The following AFAP1 variants were observed in gnomAD, a reference collection of about 807,000 sequenced individuals.
The protein encoded by AFAP1 is actin filament associated protein 1.
In AFAP1, 75 loss-of-function variants were observed where a neutral mutation model predicts 93.9. The observed-to-expected ratio is 0.80, with a 90% CI of 0.66 to 0.97. The LOEUF is 0.97. Among genes scored for constraint, AFAP1 ranks in the 50% least tolerant of loss-of-function variants. AFAP1 has a pLI of 0.00. For synonymous variants in AFAP1, 517 were observed against 430.7 expected, an observed-to-expected ratio of 1.20 and a Z score of -2.48; for missense variants, 1,201 against 1,050.8, an observed-to-expected ratio of 1.14 and a Z score of -1.98.
Position 7,939,319 on chromosome 4 carries a change from TG to T in AFAP1, c.-3+336del. The T allele has an allele frequency of 3.2e-6, 1 of 312,580 alleles. No individual in the cohort carries two copies. The highest frequency in any genetic ancestry group is 6.3e-6 in the Non-Finnish European group (1 of 157,556). The allele number at this position is 312,580 out of a possible 1,614,324, so 19.4% of individuals were successfully genotyped here. A position where few individuals can be genotyped will look rare whatever the true frequency, so the allele number is the denominator to read the frequency against. ...GGTGACCCGGACCCCGCCCCACGAG[TG>T]GGTCTTCGCAGGGCCCCCTCTGACG... On this transcript the variant is annotated intron_variant, in intron 1 of 17. Transcript: ENST00000420658. The surrounding 1 kb of genome is among the most constrained non-coding windows in gnomAD (Gnocchi z 5.6).
chr4:7,929,222 AG>A (rs1248981525), intron 1 of AFAP1, among the ~76,000 whole-genome samples: 1 of 152,202 alleles, frequency 6.6e-6, no homozygotes, highest in Non-Finnish European at 1.5e-5. Flanking sequence ...TGAGTTCCTC[AG>A]GAGCAGGCAG....
intron 9 of AFAP1, among the ~76,000 whole-genome samples, chr4:7,804,945 G>A (rs894743244): frequency 6.6e-6 from 1 of 152,302 alleles, no homozygotes. Flanking sequence ...GAAGCCAAAC[G>A]CCTCCTTCCC....
chr4:7,882,243 A>T (rs1717893301), intron 1 of AFAP1, among the ~76,000 whole-genome samples: 1 of 152,192 alleles, frequency 6.6e-6, no homozygotes, highest in Non-Finnish European at 1.5e-5. Flanking sequence ...CGTAAGAAAA[A>T]AATAATTTAC....
intron 12 of AFAP1, among the ~76,000 whole-genome samples, chr4:7,784,583 C>T (rs1263387338): frequency 6.6e-6 from 1 of 152,152 alleles, no homozygotes; most frequent in Non-Finnish European, 1.5e-5. Flanking sequence ...TCTTTAGAAT[C>T]AGGTGGGGGC....
At position 7,883,264 on chromosome 4, in the gene AFAP1, T is replaced by C. The variant is rs1400138344; in HGVS notation, c.-2-11184A>G. Among the ~76,000 whole-genome samples the C allele has an allele frequency of 2.0e-5, 3 of 151,306 alleles. No homozygotes were observed. In the East Asian group the frequency reaches 5.8e-4, roughly 29 times the overall value. On this transcript the variant is annotated intron_variant, in intron 1 of 17. Coordinates refer to ENST00000420658, the MANE Select transcript of AFAP1 (RefSeq NM_001134647.2). ...TACTGATATATTCACCATATTATTA[T>C]CTAATGAGAAGATAATGCAATTGTT...
chr4:7,879,894 G>A (rs1447445344), intron 1 of AFAP1, among the ~76,000 whole-genome samples: 1 of 151,920 alleles, frequency 6.6e-6, no homozygotes, highest in East Asian at 1.9e-4. Flanking sequence ...TGAACTCCTG[G>A]GCTAAATTGA....
rs57050150 is a variant in AFAP1, at chr4:7,842,301, C to CA, written c.546+837dup. Among the ~76,000 whole-genome samples the CA allele has an allele frequency of 9.0e-3, 856 of 94,844 alleles. 10 individuals are homozygous for CA. Among genetic ancestry groups the CA allele is most frequent in the African/African-American group, 0.016 (385 of 24,506 alleles). 62.2% of individuals were successfully genotyped at this position (94,844 alleles called of 152,430 possible). A position where few individuals can be genotyped will look rare whatever the true frequency, so the allele number is the denominator to read the frequency against. ...AATTCAAAGATGAAACCTGGATTTA[C>CA]AAAAAAAAAAAAAAAAAAAAAGATA... On this transcript the variant is annotated intron_variant, in intron 5 of 17. Coordinates refer to ENST00000420658, the MANE Select transcript of AFAP1 (RefSeq NM_001134647.2).
At chr4:7,838,736 T>C in intron 5 of AFAP1, 33 bp from the exon 6 acceptor site, 2 of 1,603,628 alleles carry the variant, frequency 1.2e-6, no homozygotes, top group Non-Finnish European at 1.7e-6. Flanking sequence ...ACTGATATTA[T>C]AAGGGAGTTC....
At chr4:7,906,087 C>T (rs977160675) in intron 1 of AFAP1, among the ~76,000 whole-genome samples, 8 of 152,218 alleles carry the variant, frequency 5.3e-5, no homozygotes, top group African/African-American at 1.9e-4. Flanking sequence ...TCTCTCCAAA[C>T]AGGGCAGGGA....
intron 6 of AFAP1, among the ~76,000 whole-genome samples, chr4:7,827,374 C>T (rs547076522): frequency 6.6e-6 from 1 of 151,852 alleles, no homozygotes; most frequent in East Asian, 1.9e-4. Flanking sequence ...GAGTTCGAGA[C>T]CAGCCTGACC....
chr4:7,879,662 G>C (rs948889916), intron 1 of AFAP1, among the ~76,000 whole-genome samples: 10 of 150,636 alleles, frequency 6.6e-5, no homozygotes, highest in Non-Finnish European at 1.3e-4. Flanking sequence ...CCTAGCAAAA[G>C]GCCTCTTTGG....
intron 8 of AFAP1, among the ~76,000 whole-genome samples, chr4:7,815,272 G>C (rs954409131): frequency 6.6e-6 from 1 of 152,252 alleles, no homozygotes; most frequent in African/African-American, 2.4e-5. Flanking sequence ...GGGAGTCAGT[G>C]TTTAAAAGGG....
chr4:7,769,661 C>T (rs1715145610), intron 16 of AFAP1, among the ~76,000 whole-genome samples: 1 of 152,160 alleles, frequency 6.6e-6, no homozygotes, highest in Admixed American at 6.5e-5. Flanking sequence ...AAAAAAACGC[C>T]ACAGTCTGCT....
intron 10 of AFAP1, among the ~76,000 whole-genome samples, chr4:7,796,989 C>T (rs939364066): frequency 6.6e-6 from 1 of 150,492 alleles, no homozygotes; most frequent in Non-Finnish European, 1.5e-5. Context: ...GAACCTGGGA[C>T]GTGGAGGTTA....
At chr4:7,794,378 G>A (rs1446924419) in intron 10 of AFAP1, among the ~76,000 whole-genome samples, 1 of 152,292 alleles carries the variant, frequency 6.6e-6, no homozygotes, top group African/African-American at 2.4e-5. Flanking sequence ...TTCCACAGGG[G>A]AAATGACACT....
At position 7,930,515 on chromosome 4, in the gene AFAP1, C is replaced by A. The variant is rs553930089; in HGVS notation, c.-3+9141G>T. On this transcript the variant is annotated intron_variant, in intron 1 of 17. Coordinates refer to ENST00000420658, the MANE Select transcript of AFAP1 (RefSeq NM_001134647.2). Reference sequence around the variant, plus strand: ...GGTCTTTCTGGCAACCAGCCCTAATCCTGAACCTGTCTAGGGGCCCAAAGC... The same window carrying A: ...GGTCTTTCTGGCAACCAGCCCTAATACTGAACCTGTCTAGGGGCCCAAAGC... Among the ~76,000 whole-genome samples, 9 of 152,296 alleles carry A rather than the reference C, an allele frequency of 5.9e-5. No homozygotes were observed. The South Asian group carries it at 1.0e-3, about 18-fold the overall frequency.
intron 1 of AFAP1, among the ~76,000 whole-genome samples, chr4:7,917,609 TCAGAATC>T (rs1720156503): frequency 6.6e-6 from 1 of 152,156 alleles, no homozygotes; most frequent in African/African-American, 2.4e-5. Context: ...GGAATGAGCC[TCAGAATC>T]CAGGCCAGGC....
chr4:7,849,813 C>T (rs1348612699), intron 4 of AFAP1, among the ~76,000 whole-genome samples: 3 of 152,158 alleles, frequency 2.0e-5, no homozygotes, highest in African/African-American at 4.8e-5. Flanking sequence ...TTTCTACTTG[C>T]GATTCTTACA....
intron 1 of AFAP1, among the ~76,000 whole-genome samples, chr4:7,906,274 G>T (rs868090994): frequency 1.3e-5 from 2 of 152,120 alleles, no homozygotes; most frequent in Non-Finnish European, 2.9e-5. Context: ...AGAGAATCAG[G>T]GGGCAACAGA....
Sources: allele counts gnomAD v4.1 joint callset (sites outside exome capture counted in the v4.1 genomes callset), GRCh38; gene constraint gnomAD v4.1.1; non-coding constraint Gnocchi (gnomAD v3.1); transcripts MANE v1.5; gene names NCBI Gene and HGNC (gene_info 2026-07-23, HGNC 2026-07-21).